Variants in MYH14 observed in about 807,000 individuals in gnomAD.
The protein encoded by MYH14 is myosin-14.
Under a neutral mutation model 255.5 loss-of-function variants are expected in MYH14, and 123 were observed. The observed-to-expected ratio is 0.48, with a 90% CI of 0.42 to 0.56. MYH14 has a LOEUF of 0.56. Ranked by LOEUF, MYH14 falls within the 20% of genes least tolerant of loss-of-function variation. MYH14 has a pLI of 0.00. For synonymous variants in MYH14, 1,095 were observed against 1,161.2 expected (o/e 0.94, Z 1.16); for missense variants, 2,423 against 2,802.3 (o/e 0.86, Z 3.06).
At chr19:50,218,050 G>A (rs939918781) in intron 3 of MYH14, among the ~76,000 whole-genome samples, 2 of 151,996 alleles carry the variant, frequency 1.3e-5, no homozygotes, top group Admixed American at 6.5e-5. Flanking sequence ...AGGCTGGAGT[G>A]CAGTGGCATG....
At chr19:50,251,565 C>CATATATAT (rs1568500688) in intron 15 of MYH14, among the ~76,000 whole-genome samples, 1 of 111,650 alleles carries the variant, frequency 9.0e-6, no homozygotes, top group African/African-American at 3.5e-5. Flanking sequence ...CACACACACA[C>CATATATAT]ACACATATAT....
chr19:50,308,897 C>T (rs2036743196), intron 41 of MYH14, 108 bp from the exon 42 acceptor site: 1 of 1,085,258 alleles, frequency 9.2e-7, no homozygotes, highest in Admixed American at 2.5e-5. Context: ...GAGGATGGGG[C>T]AGAGAGAGTC....
chr19:50,283,794 G>A (rs151164794), intron 33 of MYH14, among the ~76,000 whole-genome samples: 1 of 152,194 alleles, frequency 6.6e-6, no homozygotes, highest in Non-Finnish European at 1.5e-5. Context: ...TTTATGGGCC[G>A]GGCACGGTGG....
chr19:50,226,608 G>A (rs2033117168), intron 7 of MYH14, among the ~76,000 whole-genome samples: 1 of 150,860 alleles, frequency 6.6e-6, no homozygotes, highest in Non-Finnish European at 1.5e-5. Flanking sequence ...GGGAGTGCAG[G>A]CCCGGATCCC....
intron 22 of MYH14, among the ~76,000 whole-genome samples, chr19:50,265,111 A>T (rs1270993915): frequency 6.6e-6 from 1 of 152,224 alleles, no homozygotes; most frequent in Non-Finnish European, 1.5e-5. Flanking sequence ...CTGGGACAAG[A>T]GTTGCTGCAC....
rs527608200 is a variant in MYH14 at position 50,242,637 on chromosome 19, A to G, written c.1115-1605A>G. On this transcript the variant is annotated intron_variant, in intron 10 of 42. Transcript: ENST00000642316. ...TTGGCTGGGGACACAGCCAAACCAT[A>G]TCAATTTCGATCCACAAATCGTGAA... is the stretch of plus-strand genomic sequence containing the variant. Among the ~76,000 whole-genome samples, 11 of 152,314 alleles carry G rather than the reference A, an allele frequency of 7.2e-5. No individual in the cohort carries two copies. The South Asian group carries it at 2.3e-3, about 32-fold the overall frequency.
At chr19:50,279,896 G>A (rs1366972726) in intron 30 of MYH14, 141 bp from the exon 31 acceptor site, 2 of 714,110 alleles carry the variant, frequency 2.8e-6, no homozygotes, top group Non-Finnish European at 5.1e-6. Context: ...CTATGTTTAA[G>A]CATCTGTGGA....
At chr19:50,222,526 A>ATTCAATT (rs991800270) in intron 3 of MYH14, among the ~76,000 whole-genome samples, 2 of 149,376 alleles carry the variant, frequency 1.3e-5, no homozygotes, top group Admixed American at 6.7e-5. Flanking sequence ...TCTAGTACTG[A>ATTCAATT]TTCAATTTTC....
In MYH14 at chr19:50,280,314, T is replaced by C. The variant is rs1468619808; in HGVS notation, c.4221T>C (p.Arg1407=). Reference sequence around the variant, plus strand: ...TGGAGGCTGAGGCAGCCGGGCTGCGTGAGCAGCTGGAGGAGGAGGCAGCTG... The same window carrying C: ...TGGAGGCTGAGGCAGCCGGGCTGCGCGAGCAGCTGGAGGAGGAGGCAGCTG... The part of the protein sequence containing the change: ...RAMEAEAAGL[R]EQLEEEAAAR... Residue 1407 remains arginine (R), a synonymous_variant, in exon 32 of 43, where the codon CGT becomes CGC. Coordinates refer to ENST00000642316, the MANE Select transcript of MYH14 (RefSeq NM_001145809.2). The surrounding 1 kb of genome is among the most constrained non-coding windows in gnomAD (Gnocchi z 4.8). 6.4e-7 allele frequency: 1 copy of C among 1,550,580 alleles called. No individual in the cohort carries two copies. Among genetic ancestry groups the C allele is most frequent in the South Asian group, 1.2e-5 (1 of 84,002 alleles).
Position 50,252,676 on chromosome 19 carries a change from T to A in MYH14, c.1868T>A (p.Met623Lys), listed in dbSNP as rs762536654. The A allele has an allele frequency of 6.2e-6, 10 of 1,601,322 alleles. No homozygotes were observed. Among genetic ancestry groups the A allele is most frequent in the Non-Finnish European group, 8.5e-6 (10 of 1,174,290 alleles). ...YKANEWLMKNMDPLNDNVAAL... is the reference protein window; with the variant it reads ...YKANEWLMKNKDPLNDNVAAL... ...GCCAACGAGTGGCTGATGAAAAACA[T>A]GGACCCTCTGAATGACAACGTCGCA... The change falls in exon 16 of 43, where the codon ATG becomes AAG. Residue 623 changes from methionine to lysine, a missense_variant. Coordinates refer to ENST00000642316, the MANE Select transcript of MYH14 (RefSeq NM_001145809.2). The surrounding 1 kb of genome is among the most constrained non-coding windows in gnomAD (Gnocchi z 4.2).
intron 33 of MYH14, chr19:50,284,918 C>CTTTTTTT (rs10587609): frequency 1.5e-5 from 2 of 129,646 alleles, no homozygotes; most frequent in African/African-American, 3.0e-5. Flanking sequence ...TCTTCTTCTT[C>CTTTTTTT]TTTTTTTTTT....
intron 1 of MYH14, chr19:50,205,642 T>A (rs761956302): frequency 2.0e-5 from 3 of 152,310 alleles, no homozygotes; most frequent in Non-Finnish European, 2.9e-5. Context: ...GACTCCTGGA[T>A]CTGAGAAGGG....
chr19:50,299,849 G>A (rs1240811215), intron 39 of MYH14, among the ~76,000 whole-genome samples: 2 of 151,992 alleles, frequency 1.3e-5, no homozygotes, highest in African/African-American at 4.8e-5. Flanking sequence ...GGAGGCTGAG[G>A]CAAGAAAATC....
chr19:50,268,299 G>T lies in MYH14; in HGVS notation c.2965G>T (p.Val989Leu), dbSNP rs749286731. The T allele has an allele frequency of 1.9e-6, 3 of 1,588,358 alleles. No individual in the cohort carries two copies. Among genetic ancestry groups the T allele is most frequent in the South Asian group, 1.2e-5 (1 of 86,664 alleles). ...ELVVSELEAR[V>L]GEEEECSRQM... ...GGTGGTGTCAGAGCTGGAGGCTCGC[G>T]TGGGCGAGGAGGAGGAGTGCAGCCG... Residue 989 changes from valine (V) to leucine (L), a missense_variant, in exon 24 of 43, where the codon GTG becomes TTG. Around this residue, in one of 3 missense-constraint regions of MYH14, gnomAD observed 1,513 missense variants for 1,674.8 expected, o/e 0.90. Transcript: ENST00000642316.
rs1269389281 is a variant in MYH14, at chr19:50,260,853, G to C, written c.2424+138G>C. 3 of 697,210 alleles carry C rather than the reference G, an allele frequency of 4.3e-6. No homozygotes were observed. In the Admixed American group the frequency reaches 6.2e-5, roughly 14 times the overall value. The allele number at this position is 697,210 out of a possible 1,614,324, so 43.2% of individuals were successfully genotyped here. A position where few individuals can be genotyped will look rare whatever the true frequency, so the allele number is the denominator to read the frequency against. Reference sequence around the variant, plus strand: ...TGTGCATGCACGTGTGTGCGTGTGTGTGTGCATGCATATGTGTGCATGCGT... The same window carrying C: ...TGTGCATGCACGTGTGTGCGTGTGTCTGTGCATGCATATGTGTGCATGCGT... On this transcript the variant is annotated intron_variant, in intron 20 of 42. Transcript: ENST00000642316.
chr19:50,248,720 G>A (rs543064824), intron 12 of MYH14, among the ~76,000 whole-genome samples: 3 of 152,326 alleles, frequency 2.0e-5, no homozygotes, highest in African/African-American at 7.2e-5. Context: ...GCTCTTAACC[G>A]CTGTGCGGTA....
Position 50,231,767 on chromosome 19 carries a change from C to T in MYH14, c.974-163C>T, listed in dbSNP as rs34062561. Among the ~76,000 whole-genome samples the T allele has an allele frequency of 0.2, 30,093 of 151,168 alleles. 3,635 individuals carry two copies. Among genetic ancestry groups the T allele is most frequent in the Non-Finnish European group, 0.26 (17,718 of 67,816 alleles). On this transcript the variant is annotated intron_variant, in intron 9 of 42. Transcript: ENST00000642316. Reference sequence around the variant, plus strand: ...GAGTGGTGGTCTCATAGGTGCTAAACGCCCACTCCACCCCCGACCCTTCCC... The same window carrying T: ...GAGTGGTGGTCTCATAGGTGCTAAATGCCCACTCCACCCCCGACCCTTCCC...
In MYH14 at chr19:50,257,359, G is replaced by A. The variant is rs775328084; in HGVS notation, c.2105G>A (p.Arg702His). The change falls in exon 18 of 43, where the codon CGC (arginine) becomes CAC (histidine). Residue 702 changes from arginine to histidine, a missense_variant. By Grantham distance (29) the Arg-to-His change is conservative. This residue lies in a region of MYH14 where 672 missense variants were observed against 881.8 expected (regional missense o/e 0.76). Coordinates refer to ENST00000642316, the MANE Select transcript of MYH14 (RefSeq NM_001145809.2). The stretch of plus-strand genomic sequence containing the variant: ...CTGGGCGACGGCCCACCAGGTGGCC[G>A]CCCCCGTCGGGGTATGTTCCGGACA... ...SSLGDGPPGGRPRRGMFRTVG... is the reference protein window; with the variant it reads ...SSLGDGPPGGHPRRGMFRTVG... The A allele has an allele frequency of 1.9e-6, 3 of 1,608,040 alleles. No individual in the cohort carries two copies. Among genetic ancestry groups the A allele is most frequent in the South Asian group, 2.2e-5 (2 of 89,872 alleles).
chr19:50,306,193 T>C (rs2036648612), intron 40 of MYH14, among the ~76,000 whole-genome samples: 2 of 152,108 alleles, frequency 1.3e-5, no homozygotes, highest in South Asian at 2.1e-4. Context: ...CAGGAACAAT[T>C]GCTTGAACCC....
Sources: allele counts gnomAD v4.1 joint callset (sites outside exome capture counted in the v4.1 genomes callset), GRCh38; gene constraint gnomAD v4.1.1; regional missense constraint gnomAD v4.1.1; non-coding constraint Gnocchi (gnomAD v3.1); transcripts MANE v1.5; gene names NCBI Gene and HGNC (gene_info 2026-07-23, HGNC 2026-07-21).